Variants in CNTN4 observed in about 807,000 individuals in gnomAD.
CNTN4 encodes the protein contactin-4.
Under a neutral mutation model 122.5 loss-of-function variants are expected in CNTN4, and 77 were observed. That is an observed-to-expected ratio of 0.63 (90% CI 0.52 to 0.76). The LOEUF (loss-of-function observed/expected upper bound fraction) is 0.76, where lower values mean the gene tolerates loss of function less well. Ranked by LOEUF, CNTN4 falls within the 30% of genes least tolerant of loss-of-function variation. The probability of loss-of-function intolerance (pLI) is 0.00; values close to 1 mark genes in which losing one functional copy is unlikely to be tolerated. For synonymous variants in CNTN4, 512 were observed against 447.0 expected, an observed-to-expected ratio of 1.15 and a Z score of -1.83; for missense variants, 1,256 against 1,259.1, an observed-to-expected ratio of 1.00 and a Z score of 0.04.
At chr3:2,174,586 A>G (rs1300959332) in intron 2 of CNTN4, among the ~76,000 whole-genome samples, 1 of 152,188 alleles carries the variant, frequency 6.6e-6, no homozygotes, top group Admixed American at 6.5e-5. Context: ...TGATCTAATC[A>G]TCTACCAAAG....
chr3:2,210,158 A>G (rs1261793398), intron 2 of CNTN4, among the ~76,000 whole-genome samples: 1 of 152,120 alleles, frequency 6.6e-6, no homozygotes, highest in African/African-American at 2.4e-5. Context: ...GGTTGAGAGA[A>G]TTATGCTTGT....
chr3:2,787,454 C>T (rs759935926), intron 6 of CNTN4, among the ~76,000 whole-genome samples: 7 of 151,972 alleles, frequency 4.6e-5, no homozygotes, highest in East Asian at 1.9e-4. Context: ...AGGAGTAAAC[C>T]GAGGAGATAT....
intron 23 of CNTN4, among the ~76,000 whole-genome samples, chr3:3,048,135 T>C (rs1257661126): frequency 6.6e-6 from 1 of 152,190 alleles, no homozygotes; most frequent in Non-Finnish European, 1.5e-5. Flanking sequence ...ACATTTTGAA[T>C]TGCTACATAT....
chr3:2,154,452 C>T (rs1017316693), intron 2 of CNTN4, among the ~76,000 whole-genome samples: 4 of 151,934 alleles, frequency 2.6e-5, no homozygotes, highest in Middle Eastern at 3.2e-3. Flanking sequence ...CATCCTGGAT[C>T]ATTCAGTCTA....
At chr3:2,337,885 AT>A (rs1205986984) in intron 2 of CNTN4, among the ~76,000 whole-genome samples, 1 of 152,100 alleles carries the variant, frequency 6.6e-6, no homozygotes, top group Non-Finnish European at 1.5e-5. Context: ...AATGGTGCCA[AT>A]AGCTGTAAAT....
intron 4 of CNTN4, among the ~76,000 whole-genome samples, chr3:2,620,500 C>CAAA (rs55660131): frequency 2.0e-5 from 3 of 150,956 alleles, no homozygotes; most frequent in African/African-American, 4.9e-5. Context: ...ACCCTGTATC[C>CAAA]AAAAATATAT....
rs1445836571 is a variant in CNTN4, at chr3:2,514,546, A to G, written c.-88-56870A>G. Among the ~76,000 whole-genome samples the G allele has an allele frequency of 2.0e-5, 3 of 152,198 alleles. No individual in the cohort carries two copies. In the East Asian group the frequency reaches 5.8e-4, roughly 29 times the overall value. On this transcript the variant is annotated intron_variant, in intron 3 of 24. Transcript: ENST00000418658. ...ACTGTAATACTTTTGGATGATTTTA[A>G]ATGTTATCAAGCCTTAACTGTGCAT...
intron 4 of CNTN4, among the ~76,000 whole-genome samples, chr3:2,660,411 G>A (rs2083827195): frequency 6.6e-6 from 1 of 152,132 alleles, no homozygotes; most frequent in South Asian, 2.1e-4. Context: ...AACAGCGTGT[G>A]TTCACCTTAG....
At chr3:2,381,729 G>A (rs2046030701) in intron 3 of CNTN4, among the ~76,000 whole-genome samples, 1 of 152,014 alleles carries the variant, frequency 6.6e-6, no homozygotes, top group Admixed American at 6.6e-5. Context: ...GGCTGTTAAA[G>A]GCTCTGGTAC....
At chr3:2,202,062 A>G (rs553876442) in intron 2 of CNTN4, among the ~76,000 whole-genome samples, 81 of 152,272 alleles carry the variant, frequency 5.3e-4, no homozygotes, top group African/African-American at 1.8e-3. Flanking sequence ...TACTAGAGTC[A>G]CTTGTTAGAA....
At chr3:2,653,668 C>T (rs926745898) in intron 4 of CNTN4, among the ~76,000 whole-genome samples, 7 of 152,108 alleles carry the variant, frequency 4.6e-5, no homozygotes, top group African/African-American at 1.7e-4. Flanking sequence ...TTAGTCTCCC[C>T]ATCTCTTTTT....
At chr3:2,274,227 A>C (rs974415497) in intron 2 of CNTN4, among the ~76,000 whole-genome samples, 1 of 152,034 alleles carries the variant, frequency 6.6e-6, no homozygotes, top group Non-Finnish European at 1.5e-5. Context: ...TACTAAAAAT[A>C]AAAAAATTAG....
intron 2 of CNTN4, among the ~76,000 whole-genome samples, chr3:2,197,693 A>T (rs1331710901): frequency 6.6e-6 from 1 of 152,122 alleles, no homozygotes; most frequent in African/African-American, 2.4e-5. Context: ...AAAATGAGAG[A>T]TGATGGATAT....
chr3:2,563,548 G>C (rs1018972028), intron 3 of CNTN4, among the ~76,000 whole-genome samples: 5 of 152,086 alleles, frequency 3.3e-5, no homozygotes, highest in African/African-American at 1.2e-4. Flanking sequence ...TTGTTTGCCA[G>C]TTTAATCACA....
intron 7 of CNTN4, among the ~76,000 whole-genome samples, chr3:2,829,978 A>C (rs2093067743): frequency 6.6e-6 from 1 of 152,182 alleles, no homozygotes; most frequent in Non-Finnish European, 1.5e-5. Context: ...TTAGAAATAG[A>C]CTCAGCTACT....
At chr3:2,255,397 A>G (rs1419761309) in intron 2 of CNTN4, among the ~76,000 whole-genome samples, 1 of 152,164 alleles carries the variant, frequency 6.6e-6, no homozygotes, top group East Asian at 1.9e-4. Context: ...ATTAACAAGG[A>G]TATTTAGGAC....
chr3:2,701,729 C>T (rs1193985836), intron 4 of CNTN4, among the ~76,000 whole-genome samples: 2 of 152,144 alleles, frequency 1.3e-5, no homozygotes, highest in African/African-American at 4.8e-5. Context: ...CATAAACACT[C>T]TGAGCTTTAA....
chr3:2,199,609 C>G (rs1346234380), intron 2 of CNTN4, among the ~76,000 whole-genome samples: 1 of 152,022 alleles, frequency 6.6e-6, no homozygotes, highest in African/African-American at 2.4e-5. Flanking sequence ...CTCCTATGTG[C>G]CAAACTGTTC....
intron 2 of CNTN4, among the ~76,000 whole-genome samples, chr3:2,161,800 A>G (rs2035978101): frequency 6.6e-6 from 1 of 152,152 alleles, no homozygotes; most frequent in Non-Finnish European, 1.5e-5. Context: ...AGGTTTGTGT[A>G]TGTTAGAGTT....
Sources: gnomAD v4.1 joint callset for allele counts (sites outside exome capture counted in the v4.1 genomes callset) on GRCh38, gnomAD v4.1.1 for gene constraint, MANE v1.5 for transcripts, NCBI Gene and HGNC (gene_info 2026-07-23, HGNC 2026-07-21) for gene names.